SUPV3L1: variants seen among roughly 807,000 people sequenced by gnomAD.
SUPV3L1 encodes Suv3 like RNA helicase, also known as ATP-dependent RNA helicase SUPV3L1, mitochondrial.
A neutral mutation model predicts 70.0 loss-of-function variants in SUPV3L1; 35 were observed. The observed-to-expected ratio is 0.50, with a 90% confidence interval of 0.38 to 0.66. SUPV3L1 has a LOEUF of 0.66. Ranked by LOEUF, SUPV3L1 falls within the 30% of genes least tolerant of loss-of-function variation. The pLI, the probability that SUPV3L1 is intolerant of heterozygous loss-of-function variation, is 0.00. For missense variants in SUPV3L1, 777 were observed against 961.5 expected, an observed-to-expected ratio of 0.81 and a Z score of 2.54; for synonymous variants, 364 against 341.9, an observed-to-expected ratio of 1.06 and a Z score of -0.71.
Position 69,180,335 on chromosome 10 carries a change from G to A in SUPV3L1, c.44G>A (p.Gly15Glu). 2 of 1,614,048 alleles carry A rather than the reference G, an allele frequency of 1.2e-6. No individual in the cohort carries two copies. Among genetic ancestry groups the A allele is most frequent in the South Asian group, 2.2e-5 (2 of 91,076 alleles). Residue 15 changes from glycine (G) to glutamate (E), a missense_variant, in exon 1 of 15, where the codon GGG (glycine) becomes GAG (glutamate). By Grantham distance (98) the Gly-to-Glu change is moderately conservative. Transcript: ENST00000359655. ...RALLWARLPA[G>E]RQAGHRAAIC... ...CTATTGTGGGCTCGGCTCCCGGCGG[G>A]GCGCCAGGCTGGCCACCGGGCAGCC...
At chr10:69,180,651 G>A in intron 1 of SUPV3L1, 89 bp downstream of exon 1, 1 of 1,529,450 alleles carries the variant, frequency 6.5e-7, no homozygotes. Flanking sequence ...TTCCCCTGGG[G>A]ATCCGAGGTC....
Position 69,200,334 on chromosome 10 carries a change from G to A in SUPV3L1, c.1353G>A (p.Lys451=), listed in dbSNP as rs1842652601. Reference sequence around the variant, plus strand: ...TTATAAAGCCCAGTATCAATGAAAAGGGAGAGAGAGAACTAGAACCAATCA... The same window carrying A: ...TTATAAAGCCCAGTATCAATGAAAAAGGAGAGAGAGAACTAGAACCAATCA... ...YSLIKPSINE[K]GERELEPITT... is the part of the protein sequence containing the mutation. Residue 451 remains lysine, a synonymous_variant, in exon 11 of 15, where the codon AAG becomes AAA. Transcript: ENST00000359655. 1 of 1,614,012 alleles carries A rather than the reference G, an allele frequency of 6.2e-7. No homozygotes were observed. Among genetic ancestry groups the A allele is most frequent in the Admixed American group, 1.7e-5 (1 of 60,000 alleles).
At chr10:69,203,387 G>T (rs1321191663) in intron 13 of SUPV3L1, among the ~76,000 whole-genome samples, 1 of 152,126 alleles carries the variant, frequency 6.6e-6, no homozygotes, top group Admixed American at 6.5e-5. Flanking sequence ...ACCAAGGCCG[G>T]GTGCAGTGGC....
At chr10:69,187,559 C>T in intron 3 of SUPV3L1, 83 bp from the exon 4 acceptor site, 1 of 1,004,122 alleles carries the variant, frequency 1.0e-6, no homozygotes, top group East Asian at 2.6e-5. Flanking sequence ...CGCAACTTAG[C>T]TTGTTAAGAA....
intron 6 of SUPV3L1, chr10:69,191,968 G>T: frequency 2.4e-6 from 1 of 409,062 alleles, no homozygotes; most frequent in Admixed American, 3.8e-5. Flanking sequence ...CACCACACCC[G>T]GCTAATTTTT....
intron 7 of SUPV3L1, among the ~76,000 whole-genome samples, chr10:69,195,897 C>T (rs1339828141): frequency 6.6e-6 from 1 of 152,038 alleles, no homozygotes; most frequent in African/African-American, 2.4e-5. Context: ...TGTTTGCCAA[C>T]ATGCCCCCTG....
chr10:69,189,140 G>C (rs1418930439), intron 4 of SUPV3L1, 127 bp from the exon 5 acceptor site: 11 of 1,030,410 alleles, frequency 1.1e-5, no homozygotes, highest in Non-Finnish European at 1.5e-5. Flanking sequence ...CCATTGTTTA[G>C]TTTTTCAAAG....
chr10:69,205,193 T>C (rs1842791612), intron 13 of SUPV3L1, among the ~76,000 whole-genome samples: 1 of 152,240 alleles, frequency 6.6e-6, no homozygotes, highest in Admixed American at 6.5e-5. Flanking sequence ...GAGCTGGCAT[T>C]TGTGAAAAAC....
In SUPV3L1 at chr10:69,207,831, T is replaced by C. The variant is rs1842871736; in HGVS notation, c.1815T>C (p.Phe605=). ...ATAGCAGGAATGAGCCCCTGACCTT[T>C]GCATGGTTACGCCGATACATCAAAT... ...RQYSRNEPLT[F]AWLRRYIKWP... is the part of the protein sequence containing the mutation. Residue 605 remains phenylalanine, a synonymous_variant, in exon 14 of 15, where the codon TTT becomes TTC. Transcript: ENST00000359655. The C allele has an allele frequency of 6.2e-7, 1 of 1,614,154 alleles. No individual in the cohort carries two copies. Among genetic ancestry groups the C allele is most frequent in the Admixed American group, 1.7e-5 (1 of 60,016 alleles).
intron 13 of SUPV3L1, among the ~76,000 whole-genome samples, chr10:69,203,357 A>G (rs1011719359): frequency 1.3e-5 from 2 of 152,164 alleles, no homozygotes. Flanking sequence ...ACAGTGGACT[A>G]TGGAGAACCA....
At chr10:69,181,574 A>T (rs1158572161) in intron 1 of SUPV3L1, among the ~76,000 whole-genome samples, 1 of 152,200 alleles carries the variant, frequency 6.6e-6, no homozygotes, top group East Asian at 1.9e-4. Context: ...CTGTTATAAC[A>T]TAATACCTGA....
Position 69,200,159 on chromosome 10 carries a change from G to T in SUPV3L1, c.1299-121G>T, listed in dbSNP as rs1380160420. On this transcript the variant is annotated intron_variant, in intron 10 of 14. Transcript: ENST00000359655. Reference sequence around the variant, plus strand: ...ACTGTGCCAGACTTTCCTTAATTTTGTAAGTGGCAGTCAAGGTTGCAAGAG... The same window carrying T: ...ACTGTGCCAGACTTTCCTTAATTTTTTAAGTGGCAGTCAAGGTTGCAAGAG... The T allele has an allele frequency of 1.2e-5, 9 of 749,046 alleles. No individual in the cohort carries two copies. In the Admixed American group the frequency reaches 2.5e-4, roughly 21 times the overall value. 46.4% of individuals were successfully genotyped at this position (749,046 alleles called of 1,614,324 possible). A position where few individuals can be genotyped will look rare whatever the true frequency, so the allele number is the denominator to read the frequency against.
At chr10:69,182,581 A>G (rs1842095636) in intron 1 of SUPV3L1, 2 of 985,322 alleles carry the variant, frequency 2.0e-6, no homozygotes, top group Non-Finnish European at 2.4e-6. Context: ...GATAGAATAA[A>G]GACATGGGTT....
chr10:69,205,736 T>C (rs932325841), intron 13 of SUPV3L1, among the ~76,000 whole-genome samples: 1 of 152,212 alleles, frequency 6.6e-6, no homozygotes. Context: ...GGTTTCACCA[T>C]GTTGGCCAGG....
At chr10:69,201,189 G>T (rs1177498813) in intron 11 of SUPV3L1, among the ~76,000 whole-genome samples, 1 of 152,158 alleles carries the variant, frequency 6.6e-6, no homozygotes, top group African/African-American at 2.4e-5. Context: ...GTTGGCTCCT[G>T]TGACCTCCCT....
intron 1 of SUPV3L1, chr10:69,182,665 A>G (rs1345851689): frequency 1.9e-5 from 19 of 985,246 alleles, no homozygotes; most frequent in Non-Finnish European, 2.0e-5. Context: ...GTGATTTTTC[A>G]TCTCCTTTGA....
At chr10:69,195,561 G>A (rs917290412) in intron 7 of SUPV3L1, among the ~76,000 whole-genome samples, 1 of 151,878 alleles carries the variant, frequency 6.6e-6, no homozygotes, top group Non-Finnish European at 1.5e-5. Flanking sequence ...TTTCTTTTTT[G>A]TATGTGCATA....
intron 4 of SUPV3L1, among the ~76,000 whole-genome samples, chr10:69,188,498 A>AT (rs1175024395): frequency 3.3e-5 from 2 of 60,256 alleles, no homozygotes; most frequent in African/African-American, 7.4e-5. Context: ...TTTGTACTTG[A>AT]TTTTTTTTGT....
chr10:69,196,183 C>T (rs537644645), intron 7 of SUPV3L1, among the ~76,000 whole-genome samples: 2 of 151,770 alleles, frequency 1.3e-5, no homozygotes, highest in Admixed American at 6.6e-5. Context: ...CAGATGTTTT[C>T]AAATTTAAAA....
Sources: gnomAD v4.1 joint callset for allele counts (sites outside exome capture counted in the v4.1 genomes callset) on GRCh38, gnomAD v4.1.1 for gene constraint, MANE v1.5 for transcripts, NCBI Gene and HGNC (gene_info 2026-07-23, HGNC 2026-07-21) for gene names.